PAK2: variants seen among roughly 807,000 people sequenced by gnomAD.
PAK2 encodes the protein p21 (RAC1) activated kinase 2, also known as serine/threonine-protein kinase PAK 2.
In PAK2, 21 loss-of-function variants were observed where a neutral mutation model predicts 65.9. The observed-to-expected ratio is 0.32, with a 90% confidence interval of 0.23 to 0.46. The LOEUF is 0.46. PAK2 is among the 20% of genes least tolerant of loss of function. The pLI is 1.00. For synonymous variants in PAK2, 204 were observed against 219.7 expected (o/e 0.93, Z 0.63); for missense variants, 324 against 642.6 (o/e 0.50, Z 5.36).
chr3:196,818,274 G>A (rs1711535604), intron 12 of PAK2, 118 bp downstream of exon 12: 1 of 546,522 alleles, frequency 1.8e-6, no homozygotes, highest in South Asian at 2.5e-5. Context: ...GAAGAGGTGA[G>A]ACCTTTGAAA....
intron 1 of PAK2, among the ~76,000 whole-genome samples, chr3:196,765,339 G>A (rs1280593760): frequency 2.0e-5 from 3 of 151,832 alleles, no homozygotes; most frequent in African/African-American, 4.8e-5. Context: ...TAGTAGAGAC[G>A]GGGTTTTGCC....
Position 196,799,333 on chromosome 3 carries a change from A to C in PAK2, c.188-2594A>C, listed in dbSNP as rs190032492. ...AAATACCGAGGCAGAAATCTGATGAAACAGTGTGCGCTCTGCACTGATAAC... is the reference window on the plus strand; with the variant it reads ...AAATACCGAGGCAGAAATCTGATGACACAGTGTGCGCTCTGCACTGATAAC... On this transcript the variant is annotated intron_variant, in intron 2 of 14. Transcript: ENST00000327134. Among the ~76,000 whole-genome samples, 15 of 152,316 alleles carry C rather than the reference A, an allele frequency of 9.8e-5. No homozygotes were observed. The East Asian group carries it at 2.9e-3, about 29-fold the overall frequency.
At chr3:196,780,859 G>A (rs1714684584) in intron 1 of PAK2, among the ~76,000 whole-genome samples, 1 of 152,108 alleles carries the variant, frequency 6.6e-6, no homozygotes. Flanking sequence ...CGCAATCTCG[G>A]CTCACTGCAG....
At chr3:196,813,973 T>C (rs766973893) in intron 10 of PAK2, among the ~76,000 whole-genome samples, 19 of 152,018 alleles carry the variant, frequency 1.2e-4, no homozygotes, top group Non-Finnish European at 2.8e-4. Flanking sequence ...AAAATAAACT[T>C]TTCAGGTACA....
intron 5 of PAK2, 127 bp downstream of exon 5, chr3:196,805,510 G>T (rs1577734660): frequency 3.9e-6 from 2 of 514,302 alleles, no homozygotes; most frequent in South Asian, 6.7e-5. Context: ...CTCAATAGGT[G>T]TTTTTAGCTA....
chr3:196,821,104 G>C (rs1449833591), intron 13 of PAK2, among the ~76,000 whole-genome samples: 2 of 152,242 alleles, frequency 1.3e-5, no homozygotes, highest in East Asian at 1.9e-4. Flanking sequence ...GCTTCCCAAA[G>C]TGCTGGCATT....
In PAK2 at chr3:196,772,116, A is replaced by T. The variant is rs148381889; in HGVS notation, c.-21-10510A>T. On this transcript the variant is annotated intron_variant, in intron 1 of 14. Transcript: ENST00000327134. ...TTCAGAGATTTTTCCTCCTCTTGCC[A>T]TCACCATTTTCAAAATGCTAAAGGT... is the stretch of plus-strand genomic sequence containing the variant. Among the ~76,000 whole-genome samples the T allele has an allele frequency of 4.3e-3, 652 of 152,276 alleles. 4 individuals carry two copies. The highest frequency in any genetic ancestry group is 0.013 in the African/African-American group (560 of 41,544).
intron 1 of PAK2, among the ~76,000 whole-genome samples, chr3:196,777,884 A>C (rs747072897): frequency 1.3e-5 from 2 of 152,244 alleles, no homozygotes; most frequent in Non-Finnish European, 2.9e-5. Context: ...GTGAGTAGAT[A>C]GTGAGATATA....
chr3:196,746,154 G>T (rs570363252), intron 1 of PAK2, among the ~76,000 whole-genome samples: 1 of 152,076 alleles, frequency 6.6e-6, no homozygotes, highest in South Asian at 2.1e-4. Flanking sequence ...TATTACATTG[G>T]CCTGAAGTTC....
At chr3:196,743,188 T>C (rs1371657473) in intron 1 of PAK2, among the ~76,000 whole-genome samples, 1 of 152,180 alleles carries the variant, frequency 6.6e-6, no homozygotes, top group Non-Finnish European at 1.5e-5. Flanking sequence ...CTTCTTCCCT[T>C]CTAGGGTCAC....
chr3:196,762,901 GGA>G (rs1473165231), intron 1 of PAK2, among the ~76,000 whole-genome samples: 1 of 152,110 alleles, frequency 6.6e-6, no homozygotes, highest in Non-Finnish European at 1.5e-5. Flanking sequence ...GGTCCAATCA[GGA>G]GAGAGAAGCC....
At chr3:196,805,921 A>T (rs911393920) in intron 5 of PAK2, among the ~76,000 whole-genome samples, 10 of 148,718 alleles carry the variant, frequency 6.7e-5, no homozygotes, top group African/African-American at 1.5e-4. Flanking sequence ...TTTTATTTTT[A>T]TTTTTTTTGA....
intron 2 of PAK2, among the ~76,000 whole-genome samples, chr3:196,795,586 A>G (rs573173374): frequency 1.7e-4 from 26 of 152,298 alleles, no homozygotes; most frequent in Non-Finnish European, 3.7e-4. Flanking sequence ...CCCAGACTTT[A>G]TTTAAGTAAC....
intron 1 of PAK2, among the ~76,000 whole-genome samples, chr3:196,744,466 G>C (rs1387963407): frequency 6.6e-6 from 1 of 152,158 alleles, no homozygotes; most frequent in Non-Finnish European, 1.5e-5. Context: ...CTGAGCTCAA[G>C]AGTTGGAGGT....
At chr3:196,771,340 A>G (rs777870152) in intron 1 of PAK2, among the ~76,000 whole-genome samples, 4 of 151,876 alleles carry the variant, frequency 2.6e-5, no homozygotes, top group Admixed American at 6.6e-5. Context: ...TTTGTCTTTG[A>G]TATTATTAAT....
At chr3:196,744,985 G>A (rs948026733) in intron 1 of PAK2, among the ~76,000 whole-genome samples, 1 of 150,406 alleles carries the variant, frequency 6.6e-6, no homozygotes, top group Non-Finnish European at 1.5e-5. Context: ...TTTCCTTATT[G>A]AGTTGTAGAA....
At chr3:196,746,767 G>GCA (rs1713394636) in intron 1 of PAK2, among the ~76,000 whole-genome samples, 1 of 150,142 alleles carries the variant, frequency 6.7e-6, no homozygotes, top group Non-Finnish European at 1.5e-5. Flanking sequence ...CCGAGATCGT[G>GCA]CCATTGCACT....
chr3:196,762,795 CAAAA>C lies in PAK2; in HGVS notation c.-21-19820_-21-19817del, dbSNP rs63606860. ...GGGCAACGAGAGTGAAACTCCGTCT[CAAAA>C]AAAAAAAAAAGAAGAAAAGTTAGAA... On this transcript the variant is annotated intron_variant, in intron 1 of 14. Coordinates refer to ENST00000327134, the MANE Select transcript of PAK2 (RefSeq NM_002577.4). Among the ~76,000 whole-genome samples the C allele has an allele frequency of 4.7e-3, 633 of 135,106 alleles. 4 individuals are homozygous for C. Among genetic ancestry groups the C allele is most frequent in the Middle Eastern group, 8.0e-3 (2 of 250 alleles). The allele number at this position is 135,106 out of a possible 152,430, so 88.6% of individuals were successfully genotyped here.
intron 2 of PAK2, among the ~76,000 whole-genome samples, chr3:196,786,059 A>T (rs1226037595): frequency 6.6e-6 from 1 of 152,148 alleles, no homozygotes; most frequent in Non-Finnish European, 1.5e-5. Context: ...CAGTTATATG[A>T]TGTTAAAGAT....
Sources: gnomAD v4.1 joint callset for allele counts (sites outside exome capture counted in the v4.1 genomes callset) on GRCh38, gnomAD v4.1.1 for gene constraint, MANE v1.5 for transcripts, NCBI Gene and HGNC (gene_info 2026-07-23, HGNC 2026-07-21) for gene names.